BMP6: variants seen among roughly 807,000 people sequenced by gnomAD.
BMP6 encodes bone morphogenetic protein 6.
Under a neutral mutation model 54.1 loss-of-function variants are expected in BMP6, and 17 were observed. That is an observed-to-expected ratio of 0.31 (90% CI 0.22 to 0.47). The LOEUF (loss-of-function observed/expected upper bound fraction) is 0.47, where lower values mean the gene tolerates loss of function less well. BMP6 is among the 20% of genes least tolerant of loss of function. BMP6 has a pLI of 1.00. For synonymous variants in BMP6, 328 were observed against 291.2 expected, an observed-to-expected ratio of 1.13 and a Z score of -1.28; for missense variants, 720 against 690.4, an observed-to-expected ratio of 1.04 and a Z score of -0.48.
At chr6:7,738,904 C>G (rs1259395668) in intron 1 of BMP6, among the ~76,000 whole-genome samples, 2 of 152,146 alleles carry the variant, frequency 1.3e-5, no homozygotes, top group Admixed American at 6.5e-5. Context: ...AAAGTCCCAT[C>G]TTTCATCGAC....
intron 1 of BMP6, among the ~76,000 whole-genome samples, chr6:7,783,857 A>T (rs1291559960): frequency 1.3e-5 from 2 of 152,256 alleles, no homozygotes; most frequent in African/African-American, 2.4e-5. Context: ...GTCTCCTAGC[A>T]AATGACATTA....
At chr6:7,790,863 A>T (rs1459031839) in intron 1 of BMP6, among the ~76,000 whole-genome samples, 2 of 152,118 alleles carry the variant, frequency 1.3e-5, no homozygotes, top group African/African-American at 4.8e-5. Context: ...TGTTGGGTCA[A>T]TTTCTACTCC....
chr6:7,753,710 A>T (rs1213304064), intron 1 of BMP6, among the ~76,000 whole-genome samples: 8 of 152,026 alleles, frequency 5.3e-5, no homozygotes, highest in Non-Finnish European at 8.8e-5. Flanking sequence ...TACTTCCATC[A>T]CTCTGCTATA....
intron 1 of BMP6, among the ~76,000 whole-genome samples, chr6:7,789,277 A>G (rs903825442): frequency 2.0e-5 from 3 of 152,190 alleles, no homozygotes; most frequent in Non-Finnish European, 4.4e-5. Flanking sequence ...AATCGGTTTC[A>G]GGAAGGAGTT....
At chr6:7,739,451 A>G (rs933822390) in intron 1 of BMP6, among the ~76,000 whole-genome samples, 3 of 152,192 alleles carry the variant, frequency 2.0e-5, no homozygotes, top group African/African-American at 7.2e-5. Flanking sequence ...CTTTTGCCTT[A>G]AAGAATGGCT....
intron 1 of BMP6, among the ~76,000 whole-genome samples, chr6:7,784,900 A>G (rs1206849750): frequency 6.6e-6 from 1 of 152,194 alleles, no homozygotes; most frequent in African/African-American, 2.4e-5. Flanking sequence ...TGAGGAAGTG[A>G]AAGAAGGTTG....
At chr6:7,866,372 C>T (rs1360771179) in intron 4 of BMP6, among the ~76,000 whole-genome samples, 2 of 152,240 alleles carry the variant, frequency 1.3e-5, no homozygotes, top group African/African-American at 4.8e-5. Flanking sequence ...TCCTCAGGTT[C>T]TATAGCTCCA....
At chr6:7,728,966 G>A (rs554951019) in intron 1 of BMP6, among the ~76,000 whole-genome samples, 2 of 152,340 alleles carry the variant, frequency 1.3e-5, no homozygotes, top group Admixed American at 1.3e-4. Flanking sequence ...TAAGAGCCAA[G>A]GGAGGGTGTG....
chr6:7,842,232 C>T (rs1471003058), intron 1 of BMP6, among the ~76,000 whole-genome samples: 2 of 152,180 alleles, frequency 1.3e-5, no homozygotes, highest in Non-Finnish European at 2.9e-5. Context: ...CTAGGTGGTT[C>T]TTTCAAGGCC....
intron 1 of BMP6, among the ~76,000 whole-genome samples, chr6:7,830,117 C>T (rs2113234733): frequency 6.6e-6 from 1 of 152,270 alleles, no homozygotes; most frequent in Admixed American, 6.5e-5. Flanking sequence ...CACTTTTCAA[C>T]TTTTTCAGGA....
rs1390469233 is a variant in BMP6, at chr6:7,861,097, AT to A, written c.858-353del. On this transcript the variant is annotated intron_variant, in intron 2 of 6. Transcript: ENST00000283147. ...GAGACCCAGTCTCAAAAAAAAAAAA[AT>A]AAAAAAGTTTTTTAAAAAATCATTT... Among the ~76,000 whole-genome samples the A allele has an allele frequency of 1.2e-3, 182 of 151,798 alleles. 2 individuals carry two copies. Among genetic ancestry groups the A allele is most frequent in the Non-Finnish European group, 1.6e-3 (110 of 67,932 alleles).
At chr6:7,727,656 C>T (rs777180646) in intron 1 of BMP6, 37 bp downstream of exon 1, 18 of 1,479,308 alleles carry the variant, frequency 1.2e-5, no homozygotes, top group African/African-American at 4.3e-5. Context: ...GAGAACATTT[C>T]CCCCTTTTCA....
chr6:7,856,595 A>ATTTTTTTTTTTTTGTTTTTTT (rs1759237264), intron 2 of BMP6, among the ~76,000 whole-genome samples: 1 of 83,116 alleles, frequency 1.2e-5, no homozygotes, highest in Admixed American at 1.5e-4. Context: ...TATCAAGAGC[A>ATTTTTTTTTTTTTGTTTTTTT]TTTTTTTTTT....
At chr6:7,837,616 A>T (rs9767710) in intron 1 of BMP6, among the ~76,000 whole-genome samples, 11,157 of 152,144 alleles carry the variant, frequency 0.073, 718 homozygotes, top group African/African-American at 0.17. Context: ...TCAAAGAATG[A>T]CACAATGGAC....
Position 7,795,108 on chromosome 6 carries a change from C to T in BMP6, c.665-50032C>T, listed in dbSNP as rs112320037. 5.1e-3 allele frequency among the ~76,000 whole-genome samples: 774 copies of T among 152,192 alleles called. 12 individuals are homozygous for T. The highest frequency in any genetic ancestry group is 0.018 in the African/African-American group (733 of 41,524). ...ATGTTGAACATCTCTTTGCCAGGCA[C>T]GGGAGATAAAGCTCCTGCTGTGTTC... is the stretch of plus-strand genomic sequence containing the variant. On this transcript the variant is annotated intron_variant, in intron 1 of 6. Transcript: ENST00000283147.
At chr6:7,829,183 TGAGA>T (rs1181680499) in intron 1 of BMP6, among the ~76,000 whole-genome samples, 1 of 152,232 alleles carries the variant, frequency 6.6e-6, no homozygotes. Context: ...TGCCACCCCA[TGAGA>T]GAAACTGTTG....
intron 1 of BMP6, among the ~76,000 whole-genome samples, chr6:7,786,181 G>A (rs1054583572): frequency 6.6e-6 from 1 of 151,932 alleles, no homozygotes; most frequent in Non-Finnish European, 1.5e-5. Flanking sequence ...TTCCTTCTCC[G>A]TGACTTGCTG....
At chr6:7,788,878 T>G (rs1479980163) in intron 1 of BMP6, among the ~76,000 whole-genome samples, 5 of 152,128 alleles carry the variant, frequency 3.3e-5, no homozygotes, top group Admixed American at 1.3e-4. Flanking sequence ...TCTGTTTTTT[T>G]TTTTTTTTTT....
At chr6:7,786,215 T>C (rs1758017048) in intron 1 of BMP6, among the ~76,000 whole-genome samples, 1 of 152,184 alleles carries the variant, frequency 6.6e-6, no homozygotes, top group Admixed American at 6.5e-5. Flanking sequence ...TTGTGCTCAG[T>C]GGCTTCCAGA....
Sources: gnomAD v4.1 joint callset for allele counts (sites outside exome capture counted in the v4.1 genomes callset) on GRCh38, gnomAD v4.1.1 for gene constraint, MANE v1.5 for transcripts, NCBI Gene and HGNC (gene_info 2026-07-23, HGNC 2026-07-21) for gene names.